The following PKN3 variants were observed in gnomAD, a reference collection of about 807,000 sequenced individuals.
PKN3 encodes the protein protein kinase N3.
PKN3 carries 91 observed loss-of-function variants against 113.1 expected under a neutral mutation model. The ratio of observed to expected loss-of-function variants is 0.80; its 90% CI spans 0.68 to 0.96. The LOEUF is 0.96. PKN3 is among the 40% of genes least tolerant of loss of function. The probability of loss-of-function intolerance (pLI) is 0.00; values close to 1 mark genes in which losing one functional copy is unlikely to be tolerated. For missense variants in PKN3, 1,052 were observed against 1,202.2 expected, an observed-to-expected ratio of 0.88 and a Z score of 1.85; for synonymous variants, 467 against 499.0, an observed-to-expected ratio of 0.94 and a Z score of 0.85.
chr9:128,703,414 G>A (rs913698871), intron 1 of PKN3: 33 of 985,282 alleles, frequency 3.3e-5, no homozygotes, highest in Admixed American at 6.1e-5. Context: ...GGAGGCACGA[G>A]GGGAGCGTAG....
rs1257096774 is a variant in PKN3 at position 128,703,354 on chromosome 9, G to A, written c.24+415G>A. ...GGGTTAGAATGTGCGCGCAGCGGGG[G>A]GCGCAGTCTGTGCGCGCTTGGCAGT... is the stretch of plus-strand genomic sequence containing the variant. On this transcript the variant is annotated intron_variant, in intron 1 of 21. Coordinates refer to ENST00000291906, the MANE Select transcript of PKN3 (RefSeq NM_013355.5). 6 of 985,074 alleles carry A rather than the reference G, an allele frequency of 6.1e-6. No individual in the cohort carries two copies. The African/African-American group carries it at 8.7e-5, about 14-fold the overall frequency. The allele number at this position is 985,074 out of a possible 1,614,324, so 61.0% of individuals were successfully genotyped here.
intron 17 of PKN3, 37 bp downstream of exon 17, chr9:128,718,424 G>C (rs1477342184): frequency 1.3e-6 from 2 of 1,564,400 alleles, no homozygotes; most frequent in Non-Finnish European, 8.8e-7. Context: ...GGGTAGGGGT[G>C]GGGGTGGGGG....
rs781332086 is a variant in PKN3, at chr9:128,714,338, G to T, written c.1454G>T (p.Arg485Leu). The change falls in exon 11 of 22, where the codon CGA becomes CTA. Residue 485 changes from arginine (R) to leucine (L), a missense_variant. By Grantham distance (102) the Arg-to-Leu change is moderately radical. Around this residue, in one of 2 missense-constraint regions of PKN3, gnomAD observed 719 missense variants for 759.4 expected, o/e 0.95. Transcript: ENST00000291906. ...KGCPRTPTTL[R>L]EASDPATPSN... ...TGCCCTCGGACCCCAACAACACTGC[G>T]AGAGGCCTCTGACCCTGCCACTCCC... 1 of 1,606,480 alleles carries T rather than the reference G, an allele frequency of 6.2e-7. No individual in the cohort carries two copies. Among genetic ancestry groups the T allele is most frequent in the Non-Finnish European group, 8.5e-7 (1 of 1,175,778 alleles).
chr9:128,715,380 C>T lies in PKN3; in HGVS notation c.1728C>T (p.Val576=), dbSNP rs1052609059. ...CTCTCTGGCCCCAGGTCCTCCTGGT[C>T]CAGTTCAAGGGGACAGGGAAATACT... ...GRGHFGKVLL[V]QFKGTGKYYA... The change falls in exon 15 of 22, where the codon GTC becomes GTT. Residue 576 remains valine, a synonymous_variant. Transcript: ENST00000291906. This position sits in a 1 kb window ranked among gnomAD's most constrained non-coding sequence, Gnocchi z 4.1. 6.2e-7 allele frequency: 1 copy of T among 1,613,894 alleles called. No homozygotes were observed. Among genetic ancestry groups the T allele is most frequent in the Non-Finnish European group, 8.5e-7 (1 of 1,179,906 alleles).
At chr9:128,707,449 G>T (rs377396117) in intron 6 of PKN3, 44 bp downstream of exon 6, 60 of 1,510,920 alleles carry the variant, frequency 4.0e-5, no homozygotes, top group South Asian at 3.3e-4. Flanking sequence ...CTTCTTTTTG[G>T]GGGGAGGCCG....
At chr9:128,711,376 G>A (rs753774460) in intron 6 of PKN3, among the ~76,000 whole-genome samples, 1 of 149,248 alleles carries the variant, frequency 6.7e-6, no homozygotes, top group South Asian at 2.1e-4. Context: ...GTGTGATTTC[G>A]GCTCACTGCA....
At chr9:128,706,595 G>A in intron 3 of PKN3, 118 bp from the exon 4 acceptor site, 1 of 755,546 alleles carries the variant, frequency 1.3e-6, no homozygotes, top group Non-Finnish European at 2.1e-6. Context: ...TTAGTGTTTG[G>A]CCTAGAGGTT....
At chr9:128,716,668 C>G in intron 15 of PKN3, 79 bp from the exon 16 acceptor site, 2 of 1,176,442 alleles carry the variant, frequency 1.7e-6, no homozygotes, top group Non-Finnish European at 2.5e-6. Flanking sequence ...GCCCAGTGAG[C>G]CAGGGGTGTT....
At position 128,716,831 on chromosome 9, in the gene PKN3, C is replaced by G; in HGVS notation, c.1893C>G (p.Thr631=). ...TCTCCCTCCTTGCCTGCTTCCAGAC[C>G]TCCAGCCATGCCTGCTTTGTGACTG... ...FLLSLLACFQ[T]SSHACFVTEF... Residue 631 remains threonine (T), a synonymous_variant, in exon 16 of 22, where the codon ACC becomes ACG. Coordinates refer to ENST00000291906, the MANE Select transcript of PKN3 (RefSeq NM_013355.5). 1 of 1,614,084 alleles carries G rather than the reference C, an allele frequency of 6.2e-7. No individual in the cohort carries two copies. The highest frequency in any genetic ancestry group is 8.5e-7 in the Non-Finnish European group (1 of 1,179,988).
rs541679379 is a variant in PKN3 at position 128,719,883 on chromosome 9, C to T, written c.2269-27C>T. 2.6e-4 allele frequency: 417 copies of T among 1,609,694 alleles called. 5 individuals are homozygous for T. In the South Asian group the frequency reaches 4.3e-3, roughly 17 times the overall value. ...CTGGGTGGGGGTGGGGTGGCCCGTG[C>T]ATCCTGCTGAGCCCCCATCTCCACA... On this transcript the variant is annotated intron_variant, in intron 19 of 21. Transcript: ENST00000291906.
rs1862476903 is a variant in PKN3, at chr9:128,719,933, G to A, written c.2292G>A (p.Glu764=). ...AGTGCCCGTTCCCAGGGGACACAGAGGAAGAGGTGTTTGACTGCATCGTCA... is the reference window on the plus strand; with the variant it reads ...AGTGCCCGTTCCCAGGGGACACAGAAGAAGAGGTGTTTGACTGCATCGTCA... ...VGECPFPGDT[E]EEVFDCIVNM... The change falls in exon 20 of 22, where the codon GAG becomes GAA. Residue 764 remains glutamate (E), a synonymous_variant. Coordinates refer to ENST00000291906, the MANE Select transcript of PKN3 (RefSeq NM_013355.5). The A allele has an allele frequency of 6.2e-7, 1 of 1,614,172 alleles. No individual in the cohort carries two copies. The highest frequency in any genetic ancestry group is 1.3e-5 in the African/African-American group (1 of 75,070).
chr9:128,711,307 CTTTT>C (rs769509901), intron 6 of PKN3, among the ~76,000 whole-genome samples: 1 of 131,326 alleles, frequency 7.6e-6, no homozygotes. Context: ...CGCCCCACCT[CTTTT>C]TTTTTTTTTT....
At position 128,705,524 on chromosome 9, in the gene PKN3, C is replaced by A; in HGVS notation, c.246C>A (p.Gly82=). 1 of 1,556,802 alleles carries A rather than the reference C, an allele frequency of 6.4e-7. No homozygotes were observed. The highest frequency in any genetic ancestry group is 8.7e-7 in the Non-Finnish European group (1 of 1,151,056). Reference sequence around the variant, plus strand: ...TGCACGCCCGAATCCTGCTGCCCGGCCCTGGGCCTGGCCCAGCTGGTGAGT... The same window carrying A: ...TGCACGCCCGAATCCTGCTGCCCGGACCTGGGCCTGGCCCAGCTGGTGAGT... ...RELHARILLP[G]PGPGPAEPVA... is the part of the protein sequence containing the mutation. The change falls in exon 2 of 22, where the codon GGC becomes GGA. Residue 82 remains glycine (G), a synonymous_variant. Coordinates refer to ENST00000291906, the MANE Select transcript of PKN3 (RefSeq NM_013355.5).
chr9:128,713,967 TA>T, intron 9 of PKN3, 78 bp from the exon 10 acceptor site: 1 of 1,461,230 alleles, frequency 6.8e-7, no homozygotes, highest in Non-Finnish European at 9.6e-7. Context: ...GCTTGGGCTG[TA>T]ATCCCAGGGG....
At chr9:128,717,475 G>A (rs1056321663) in intron 16 of PKN3, among the ~76,000 whole-genome samples, 3 of 151,294 alleles carry the variant, frequency 2.0e-5, no homozygotes, top group Non-Finnish European at 1.5e-5. Context: ...CCGGGCACCT[G>A]TAATCCCAGC....
chr9:128,714,609 C>A lies in PKN3; in HGVS notation c.1529C>A (p.Pro510Gln), dbSNP rs779291228. 2.1e-6 allele frequency: 3 copies of A among 1,436,874 alleles called. 1 individual carries two copies. In the South Asian group the frequency reaches 3.4e-5, roughly 16 times the overall value. 89.0% of individuals were successfully genotyped at this position (1,436,874 alleles called of 1,614,324 possible). A position where few individuals can be genotyped will look rare whatever the true frequency, so the allele number is the denominator to read the frequency against. Residue 510 changes from proline (P) to glutamine (Q), a missense_variant, in exon 12 of 22, where the codon CCA becomes CAA. Coordinates refer to ENST00000291906, the MANE Select transcript of PKN3 (RefSeq NM_013355.5). The part of the protein sequence containing the change: ...KTPLGEEMTP[P>Q]PKPPRLYLPQ... ...CCCTTGGGTGAAGAGATGACACCCC[C>A]ACCCAAGCCCCCACGCCTCTACCTC...
intron 1 of PKN3, chr9:128,703,915 C>A: frequency 1.0e-6 from 1 of 985,470 alleles, no homozygotes; most frequent in Non-Finnish European, 1.2e-6. Context: ...ACTCAGGACC[C>A]CGGTGGCCGG....
intron 6 of PKN3, among the ~76,000 whole-genome samples, chr9:128,712,666 C>T (rs889330826): frequency 4.7e-4 from 72 of 152,322 alleles, no homozygotes; most frequent in Middle Eastern, 3.4e-3. Context: ...ATGTCCCTGC[C>T]GCTCCAGCAT....
In PKN3 at chr9:128,720,038, G is replaced by A. The variant is rs777866781; in HGVS notation, c.2376+21G>A. ...AGAAGGTAAGCACTGCGGGGTCTGGGGCTGGGCTGGATGGCCGCTCAAGGC... is the reference window on the plus strand; with the variant it reads ...AGAAGGTAAGCACTGCGGGGTCTGGAGCTGGGCTGGATGGCCGCTCAAGGC... On this transcript the variant is annotated intron_variant, in intron 20 of 21. Transcript: ENST00000291906. The surrounding 1 kb of genome is among the most constrained non-coding windows in gnomAD (Gnocchi z 5.5). 1.2e-6 allele frequency: 2 copies of A among 1,601,910 alleles called. No homozygotes were observed. The highest frequency in any genetic ancestry group is 1.7e-6 in the Non-Finnish European group (2 of 1,169,168).
Sources: allele counts gnomAD v4.1 joint callset (sites outside exome capture counted in the v4.1 genomes callset), GRCh38; gene constraint gnomAD v4.1.1; regional missense constraint gnomAD v4.1.1; non-coding constraint Gnocchi (gnomAD v3.1); transcripts MANE v1.5; gene names NCBI Gene and HGNC (gene_info 2026-07-23, HGNC 2026-07-21).